The following RUNX2 variants were observed in gnomAD, a reference collection of about 807,000 sequenced individuals.
The protein encoded by RUNX2 is runt-related transcription factor 2.
In RUNX2, 10 loss-of-function variants were observed where a neutral mutation model predicts 51.7. The ratio of observed to expected loss-of-function variants is 0.19; its 90% confidence interval spans 0.12 to 0.33. The LOEUF is 0.33. Among genes scored for constraint, RUNX2 ranks in the 10% least tolerant of loss-of-function variants. The pLI is 1.00. For synonymous variants in RUNX2, 276 were observed against 273.6 expected, an observed-to-expected ratio of 1.01 and a Z score of -0.09; for missense variants, 562 against 691.3, an observed-to-expected ratio of 0.81 and a Z score of 2.10.
intron 2 of RUNX2, among the ~76,000 whole-genome samples, chr6:45,334,538 T>C (rs1788166356): frequency 6.6e-6 from 1 of 150,508 alleles, no homozygotes. Flanking sequence ...ATATATGCAG[T>C]CTTTCTTTAG....
chr6:45,545,332 C>T (rs947266016), intron 8 of RUNX2, 50 bp downstream of exon 8: 3 of 1,540,652 alleles, frequency 1.9e-6, no homozygotes, highest in Admixed American at 3.9e-5. Flanking sequence ...CTGGGCTGGG[C>T]TGTCTGGTTG....
chr6:45,478,634 G>A (rs1380027902), intron 5 of RUNX2, among the ~76,000 whole-genome samples: 1 of 138,776 alleles, frequency 7.2e-6, no homozygotes, highest in Non-Finnish European at 1.6e-5. Flanking sequence ...CTAATTGTGT[G>A]TAAATGTGTG....
chr6:45,349,317 T>C (rs1371241894), intron 2 of RUNX2, among the ~76,000 whole-genome samples: 1 of 152,238 alleles, frequency 6.6e-6, no homozygotes, highest in Non-Finnish European at 1.5e-5. Flanking sequence ...ATGTGGGTTC[T>C]TTCTTGGCTT....
chr6:45,498,355 G>A lies in RUNX2; in HGVS notation c.859+6241G>A, dbSNP rs118144403. On this transcript the variant is annotated intron_variant, in intron 6 of 8. Coordinates refer to ENST00000647337, the MANE Select transcript of RUNX2 (RefSeq NM_001024630.4). Reference sequence around the variant, plus strand: ...CTTCAGCTATTGCAGTTGACTGTGAGTTCCTGATTCTTAGCAAGCACTCAC... The same window carrying A: ...CTTCAGCTATTGCAGTTGACTGTGAATTCCTGATTCTTAGCAAGCACTCAC... Among the ~76,000 whole-genome samples, 156 of 152,306 alleles carry A rather than the reference G, an allele frequency of 1.0e-3. 3 individuals are homozygous for A. The East Asian group carries it at 0.029, about 28-fold the overall frequency.
At chr6:45,400,032 G>C (rs375283551) in intron 2 of RUNX2, among the ~76,000 whole-genome samples, 1 of 126,534 alleles carries the variant, frequency 7.9e-6, no homozygotes, top group African/African-American at 2.9e-5. Context: ...GAGGGAGGGA[G>C]GGAAGGAAAG....
At chr6:45,410,950 T>G (rs1797937510) in intron 2 of RUNX2, among the ~76,000 whole-genome samples, 1 of 152,212 alleles carries the variant, frequency 6.6e-6, no homozygotes. Flanking sequence ...GGCTTCCCAG[T>G]GCACTTCCCA....
chr6:45,396,825 A>G (rs1164020212), intron 2 of RUNX2, among the ~76,000 whole-genome samples: 2 of 151,758 alleles, frequency 1.3e-5, no homozygotes, highest in Admixed American at 6.7e-5. Flanking sequence ...ATTTTGTAAC[A>G]TGTATCAGTA....
intron 2 of RUNX2, among the ~76,000 whole-genome samples, chr6:45,407,092 G>A (rs1030909642): frequency 1.3e-5 from 2 of 152,066 alleles, no homozygotes; most frequent in Non-Finnish European, 2.9e-5. Flanking sequence ...TGAATTTGGG[G>A]GTTATAATTC....
At chr6:45,530,704 C>T (rs1199076973) in intron 7 of RUNX2, among the ~76,000 whole-genome samples, 1 of 152,230 alleles carries the variant, frequency 6.6e-6, no homozygotes, top group African/African-American at 2.4e-5. Flanking sequence ...ACCTTGAACT[C>T]TTCTGCTCTG....
chr6:45,332,784 T>C (rs1343639631), intron 2 of RUNX2, among the ~76,000 whole-genome samples: 3 of 151,752 alleles, frequency 2.0e-5, no homozygotes, highest in African/African-American at 7.2e-5. Flanking sequence ...ATACTAAAAT[T>C]GTAATTATGG....
chr6:45,512,109 CTTATATA>C, intron 6 of RUNX2, 130 bp from the exon 7 acceptor site: 1 of 719,900 alleles, frequency 1.4e-6, no homozygotes, highest in Non-Finnish European at 2.3e-6. Flanking sequence ...ATAGCCATTC[CTTATATA>C]TTATATATAT....
At chr6:45,360,315 G>C (rs1316760309) in intron 2 of RUNX2, among the ~76,000 whole-genome samples, 1 of 152,158 alleles carries the variant, frequency 6.6e-6, no homozygotes, top group East Asian at 1.9e-4. Context: ...AAGTACTCAA[G>C]AGAGTGCCTG....
intron 7 of RUNX2, among the ~76,000 whole-genome samples, chr6:45,521,963 G>GT (rs543626166): frequency 6.6e-6 from 1 of 152,044 alleles, no homozygotes; most frequent in African/African-American, 2.4e-5. Flanking sequence ...TTTTAGAGCT[G>GT]TTTTTTTGTA....
In RUNX2 at chr6:45,514,300, G is replaced by A. The variant is rs531113033; in HGVS notation, c.1021+1893G>A. Among the ~76,000 whole-genome samples the A allele has an allele frequency of 1.7e-3, 256 of 152,308 alleles. 1 individual carries two copies. The highest frequency in any genetic ancestry group is 6.8e-3 in the Middle Eastern group (2 of 292). On this transcript the variant is annotated intron_variant, in intron 7 of 8. Transcript: ENST00000647337. ...GTACATGTGTAACGGAAAACAGCCA[G>A]ATTATTTCAAGTTACTTTACTGAGG...
chr6:45,406,681 G>A (rs1977152), intron 2 of RUNX2, among the ~76,000 whole-genome samples: 12,152 of 152,108 alleles, frequency 0.08, 710 homozygotes, highest in South Asian at 0.18. Flanking sequence ...GCTGGGGTTA[G>A]CATTACATTT....
chr6:45,507,718 G>A (rs1801015681), intron 6 of RUNX2, among the ~76,000 whole-genome samples: 1 of 152,108 alleles, frequency 6.6e-6, no homozygotes, highest in Admixed American at 6.6e-5. Context: ...CATGATTAAG[G>A]TTAAGCCATT....
intron 5 of RUNX2, among the ~76,000 whole-genome samples, chr6:45,458,314 A>G (rs1799377388): frequency 6.6e-6 from 1 of 152,196 alleles, no homozygotes; most frequent in Non-Finnish European, 1.5e-5. Context: ...GGCATGAGCC[A>G]CCGTGCCCGG....
intron 7 of RUNX2, among the ~76,000 whole-genome samples, chr6:45,529,790 G>A (rs116788323): frequency 0.016 from 2,395 of 152,236 alleles, 30 homozygotes; most frequent in Non-Finnish European, 0.025. Flanking sequence ...GAAAAGAGGC[G>A]TGCTTTCTCC....
At chr6:45,433,049 A>C (rs181158388) in intron 4 of RUNX2, among the ~76,000 whole-genome samples, 10 of 152,310 alleles carry the variant, frequency 6.6e-5, no homozygotes, top group African/African-American at 2.2e-4. Context: ...TTACCATTGT[A>C]AAAACTTGAT....
Sources: gnomAD v4.1 joint callset for allele counts (sites outside exome capture counted in the v4.1 genomes callset) on GRCh38, gnomAD v4.1.1 for gene constraint, MANE v1.5 for transcripts, NCBI Gene and HGNC (gene_info 2026-07-23, HGNC 2026-07-21) for gene names.